SLC22A15: variants seen among roughly 807,000 people sequenced by gnomAD.
SLC22A15 encodes the protein flipt 1.
In SLC22A15, 45 loss-of-function variants were observed where a neutral mutation model predicts 62.7. That is an observed-to-expected ratio of 0.72 (90% CI 0.56 to 0.92). The LOEUF (loss-of-function observed/expected upper bound fraction) is 0.92. Among genes scored for constraint, SLC22A15 ranks in the 40% least tolerant of loss-of-function variants. SLC22A15 has a pLI of 0.00. For synonymous variants in SLC22A15, 264 were observed against 267.0 expected (o/e 0.99, Z 0.11); for missense variants, 622 against 665.6 (o/e 0.93, Z 0.72).
At chr1:116,035,987 A>G (rs541650772) in intron 7 of SLC22A15, among the ~76,000 whole-genome samples, 65 of 152,320 alleles carry the variant, frequency 4.3e-4, no homozygotes, top group Admixed American at 9.8e-4. Context: ...TTCTCCAAAA[A>G]TCATCATTCC....
chr1:116,064,463 G>C lies in SLC22A15; in HGVS notation c.1320G>C (p.Met440Ile). The change falls in exon 10 of 12, where the codon ATG (methionine) becomes ATC (isoleucine). Residue 440 changes from methionine (M) to isoleucine (I), a missense_variant. Physicochemically the swap from Met to Ile is conservative, Grantham distance 10 (BLOSUM62 1). Transcript: ENST00000369503. Reference protein sequence around the residue: ...IRNVGLGTCSMFSRVGGIIAP... With the variant: ...IRNVGLGTCSIFSRVGGIIAP... ...ATGTTGGGCTTGGAACTTGTTCCAT[G>C]TTCTCCCGAGTTGGTGGGATTATTG... 6.2e-7 allele frequency: 1 copy of C among 1,613,540 alleles called. No individual in the cohort carries two copies. The highest frequency in any genetic ancestry group is 1.1e-5 in the South Asian group (1 of 91,054).
At chr1:116,021,268 T>A (rs1280891621) in intron 4 of SLC22A15, among the ~76,000 whole-genome samples, 1 of 152,230 alleles carries the variant, frequency 6.6e-6, no homozygotes, top group Non-Finnish European at 1.5e-5. Flanking sequence ...TTTATTAAAT[T>A]TTTGTTTCAC....
At chr1:115,993,193 C>G (rs1231750046) in intron 2 of SLC22A15, among the ~76,000 whole-genome samples, 1 of 152,126 alleles carries the variant, frequency 6.6e-6, no homozygotes, top group Non-Finnish European at 1.5e-5. Context: ...TAGAAATACT[C>G]TCCTTTCCTT....
chr1:115,982,758 T>C (rs536764257), intron 1 of SLC22A15, among the ~76,000 whole-genome samples: 84 of 152,358 alleles, frequency 5.5e-4, no homozygotes, highest in South Asian at 1.9e-3. Context: ...ACTTCATGGA[T>C]AAAATAGAGG....
At chr1:115,999,551 T>A (rs1655610600) in intron 2 of SLC22A15, among the ~76,000 whole-genome samples, 1 of 150,956 alleles carries the variant, frequency 6.6e-6, no homozygotes, top group Non-Finnish European at 1.5e-5. Flanking sequence ...TCACCCAGGC[T>A]GGAGTGCAGT....
At chr1:116,054,568 T>C (rs1300524470) in intron 8 of SLC22A15, among the ~76,000 whole-genome samples, 1 of 152,170 alleles carries the variant, frequency 6.6e-6, no homozygotes, top group African/African-American at 2.4e-5. Context: ...AATAGACATC[T>C]ACAGAACTCT....
intron 8 of SLC22A15, among the ~76,000 whole-genome samples, chr1:116,058,240 G>A (rs1414847829): frequency 1.3e-5 from 2 of 151,976 alleles, no homozygotes; most frequent in African/African-American, 2.4e-5. Flanking sequence ...CTAATATTCA[G>A]AATCTACAAC....
At chr1:116,022,555 T>C (rs1183456885) in intron 4 of SLC22A15, among the ~76,000 whole-genome samples, 2 of 152,236 alleles carry the variant, frequency 1.3e-5, no homozygotes, top group African/African-American at 2.4e-5. Flanking sequence ...ATAAAAAACG[T>C]ATACCACTCC....
intron 1 of SLC22A15, 97 bp from the exon 2 acceptor site, chr1:115,991,934 A>T (rs753262427): frequency 1.9e-5 from 19 of 997,906 alleles, no homozygotes; most frequent in Admixed American, 1.1e-4. Context: ...ATACAAAAGC[A>T]AGACACTGAT....
intron 3 of SLC22A15, 70 bp from the exon 4 acceptor site, chr1:116,020,651 A>G: frequency 1.7e-6 from 2 of 1,207,658 alleles, no homozygotes; most frequent in East Asian, 5.1e-5. Context: ...TAAGCTAATG[A>G]ATATAATTTA....
intron 2 of SLC22A15, among the ~76,000 whole-genome samples, chr1:116,008,952 C>G (rs562354526): frequency 4.4e-4 from 67 of 152,244 alleles, no homozygotes; most frequent in African/African-American, 1.6e-3. Context: ...GTTCCACCCC[C>G]ACAAAACCCA....
At chr1:116,063,836 T>C (rs531815974) in intron 9 of SLC22A15, among the ~76,000 whole-genome samples, 1 of 152,274 alleles carries the variant, frequency 6.6e-6, no homozygotes, top group African/African-American at 2.4e-5. Context: ...TCTCTCTCCC[T>C]CCCTCCCTCT....
intron 8 of SLC22A15, among the ~76,000 whole-genome samples, chr1:116,061,933 G>T (rs1658390750): frequency 6.6e-6 from 1 of 152,122 alleles, no homozygotes; most frequent in South Asian, 2.1e-4. Flanking sequence ...CATCGGCTGG[G>T]CGTGGTGGCT....
intron 7 of SLC22A15, among the ~76,000 whole-genome samples, chr1:116,035,786 G>A (rs1657612708): frequency 6.6e-6 from 1 of 152,158 alleles, no homozygotes; most frequent in Non-Finnish European, 1.5e-5. Context: ...TTGTTGAGGA[G>A]GCAGAAGATA....
At chr1:115,978,610 A>G (rs1654441893) in intron 1 of SLC22A15, among the ~76,000 whole-genome samples, 1 of 152,160 alleles carries the variant, frequency 6.6e-6, no homozygotes, top group African/African-American at 2.4e-5. Flanking sequence ...ACGTGTTTTT[A>G]AGGACTCAGT....
intron 6 of SLC22A15, among the ~76,000 whole-genome samples, chr1:116,033,393 G>A (rs1290555034): frequency 2.0e-5 from 3 of 152,176 alleles, no homozygotes; most frequent in East Asian, 1.9e-4. Context: ...GCAACTTGCA[G>A]AGCAGAGGCC....
chr1:116,004,662 G>T (rs1429252826), intron 2 of SLC22A15, among the ~76,000 whole-genome samples: 4 of 152,038 alleles, frequency 2.6e-5, no homozygotes, highest in Admixed American at 2.6e-4. Flanking sequence ...ACTATCTTTG[G>T]TTTTGGTATC....
At chr1:115,981,359 C>G (rs1654600588) in intron 1 of SLC22A15, among the ~76,000 whole-genome samples, 1 of 152,206 alleles carries the variant, frequency 6.6e-6, no homozygotes, top group African/African-American at 2.4e-5. Context: ...TCAGTTTGAG[C>G]AAGTTTTATG....
At chr1:116,059,787 G>T (rs1393364172) in intron 8 of SLC22A15, among the ~76,000 whole-genome samples, 4 of 152,232 alleles carry the variant, frequency 2.6e-5, no homozygotes, top group Middle Eastern at 3.4e-3. Flanking sequence ...TGAATTTTTT[G>T]CCATTTTGGG....
Sources: gnomAD v4.1 joint callset for allele counts (sites outside exome capture counted in the v4.1 genomes callset) on GRCh38, gnomAD v4.1.1 for gene constraint, MANE v1.5 for transcripts, NCBI Gene and HGNC (gene_info 2026-07-23, HGNC 2026-07-21) for gene names.